VWF: variants seen among roughly 807,000 people sequenced by gnomAD.
VWF encodes Factor VIII related antigen.
In VWF, 176 loss-of-function variants were observed where a neutral mutation model predicts 308.6. That is an observed-to-expected ratio of 0.57 (90% CI 0.50 to 0.65). The LOEUF is 0.65. VWF is among the 30% of genes least tolerant of loss of function. The probability of loss-of-function intolerance (pLI) is 0.00; values close to 1 mark genes in which losing one functional copy is unlikely to be tolerated. For synonymous variants in VWF, 1,385 were observed against 1,443.4 expected, an observed-to-expected ratio of 0.96 and a Z score of 0.92; for missense variants, 3,146 against 3,648.2, an observed-to-expected ratio of 0.86 and a Z score of 3.55.
At chr12:5,963,706 C>T (rs1480962775) in intron 47 of VWF, among the ~76,000 whole-genome samples, 4 of 152,150 alleles carry the variant, frequency 2.6e-5, no homozygotes, top group East Asian at 1.9e-4. Context: ...GACAAGGTCT[C>T]GCTCTGTCAC....
chr12:6,067,080 C>T (rs750768227), intron 10 of VWF, among the ~76,000 whole-genome samples: 63 of 152,316 alleles, frequency 4.1e-4, no homozygotes, highest in Middle Eastern at 3.4e-3. Context: ...TCCGCTGCCC[C>T]CTCTAGAAGA....
chr12:5,991,952 C>T lies in VWF; in HGVS notation c.6665G>A (p.Gly2222Asp). The T allele has an allele frequency of 2.5e-6, 4 of 1,614,228 alleles. No homozygotes were observed. The highest frequency in any genetic ancestry group is 2.5e-6 in the Non-Finnish European group (3 of 1,180,038). ...ATGGTCCCCACAGGAGCTCACGTTG[C>T]CATCACAGTGCCGGGGACAGCCATG... is the stretch of plus-strand genomic sequence containing the variant. ...CEHGCPRHCD[G>D]NVSSCGDHPS... The change falls in exon 38 of 52, where the codon GGC becomes GAC. Residue 2222 changes from glycine to aspartate, a missense_variant. By Grantham distance (94) the Gly-to-Asp change is moderately conservative (BLOSUM62 -1). This residue lies in a region of VWF where 989 missense variants were observed against 1,117.4 expected (regional missense o/e 0.89). Transcript: ENST00000261405.
Position 6,019,454 on chromosome 12 carries a change from G to T in VWF, c.3964C>A (p.His1322Asn). 6.2e-7 allele frequency: 1 copy of T among 1,613,902 alleles called. No individual in the cohort carries two copies. The highest frequency in any genetic ancestry group is 8.5e-7 in the Non-Finnish European group (1 of 1,179,842). ...CCGATGTAGGCGTGGGAGCCGTCGTGGTACTCCACCACGGCCACGCGGACC... is the reference window on the plus strand; with the variant it reads ...CCGATGTAGGCGTGGGAGCCGTCGTTGTACTCCACCACGGCCACGCGGACC... ...KWVRVAVVEY[H>N]DGSHAYIGLK... Residue 1322 changes from histidine (H) to asparagine (N), a missense_variant, in exon 28 of 52, where the codon CAC becomes AAC. Physicochemically the swap from His to Asn is moderately conservative, Grantham distance 68. Coordinates refer to ENST00000261405, the MANE Select transcript of VWF (RefSeq NM_000552.5). This position sits in a 1 kb window ranked among gnomAD's most constrained non-coding sequence, Gnocchi z 5.8.
chr12:5,976,739 A>G (rs1943538319), intron 42 of VWF, among the ~76,000 whole-genome samples: 1 of 152,212 alleles, frequency 6.6e-6, no homozygotes, highest in Admixed American at 6.5e-5. Flanking sequence ...CATAACAAGT[A>G]AAGACTCTGG....
At chr12:6,007,781 C>A (rs1943945872) in intron 34 of VWF, among the ~76,000 whole-genome samples, 1 of 151,834 alleles carries the variant, frequency 6.6e-6, no homozygotes, top group Admixed American at 6.6e-5. Context: ...TAAAGGTCAA[C>A]AAAATTAACA....
chr12:6,075,449 A>C lies in VWF; in HGVS notation c.760T>G (p.Leu254Val), dbSNP rs1944831955. ...EPFVALCEKT[L>V]CECAGGLECA... ...TCCAGCCCCCCAGCACACTCACACA[A>C]AGTCTTCTCACACAGGGCCACAAAA... The change falls in exon 7 of 52, where the codon TTG becomes GTG. Residue 254 changes from leucine to valine, a missense_variant. Leu to Val is a conservative substitution (Grantham distance 32). This residue lies in a region of VWF where 1,304 missense variants were observed against 1,353.0 expected (regional missense o/e 0.96). Transcript: ENST00000261405. This position sits in a 1 kb window ranked among gnomAD's most constrained non-coding sequence, Gnocchi z 4.7. 2 of 1,613,986 alleles carry C rather than the reference A, an allele frequency of 1.2e-6. No homozygotes were observed. Among genetic ancestry groups the C allele is most frequent in the Non-Finnish European group, 1.7e-6 (2 of 1,180,018 alleles).
chr12:5,991,864 T>G lies in VWF; in HGVS notation c.6753A>C (p.Glu2251Asp). 1.2e-6 allele frequency: 2 copies of G among 1,614,214 alleles called. No homozygotes were observed. Among genetic ancestry groups the G allele is most frequent in the Non-Finnish European group, 1.7e-6 (2 of 1,180,044 alleles). The change falls in exon 38 of 52, where the codon GAA (glutamate) becomes GAC (aspartate). Residue 2251 changes from glutamate to aspartate, a missense_variant. Glu to Asp is a conservative substitution (Grantham distance 45). Around this residue, in one of 3 missense-constraint regions of VWF, gnomAD observed 989 missense variants for 1,117.4 expected, o/e 0.89. Coordinates refer to ENST00000261405, the MANE Select transcript of VWF (RefSeq NM_000552.5). ...CACCAATGCACTGAGTGCAGGCCTCTTCAGGGACACAGCTGCCTTCCAACA... is the reference window on the plus strand; with the variant it reads ...CACCAATGCACTGAGTGCAGGCCTCGTCAGGGACACAGCTGCCTTCCAACA... ...KVMLEGSCVP[E>D]EACTQCIGED...
At chr12:6,092,589 C>T in intron 6 of VWF, among the ~76,000 whole-genome samples, 1 of 107,172 alleles carries the variant, frequency 9.3e-6, no homozygotes, top group Non-Finnish European at 1.7e-5. Flanking sequence ...TGCATGCCAC[C>T]ATGCCCAGCT....
At chr12:5,998,790 C>T (rs901280289) in intron 34 of VWF, among the ~76,000 whole-genome samples, 2 of 152,046 alleles carry the variant, frequency 1.3e-5, no homozygotes, top group African/African-American at 4.8e-5. Flanking sequence ...CGCAATGGCG[C>T]GATCTTGGCT....
Position 5,976,059 on chromosome 12 carries a change from C to T in VWF, c.7437+52G>A. ...CTTACCCTTCCTAAGATGCCCTCCT[C>T]TACTTTCCCGCTCTGATAGCTGCAG... On this transcript the variant is annotated intron_variant, in intron 43 of 51. Transcript: ENST00000261405. 3 of 1,611,972 alleles carry T rather than the reference C, an allele frequency of 1.9e-6. No individual in the cohort carries two copies. The South Asian group carries it at 3.3e-5, about 18-fold the overall frequency.
chr12:6,022,851 C>A lies in VWF; in HGVS notation c.3427G>T (p.Glu1143Ter), dbSNP rs1447019004. 1.8e-6 allele frequency: 1 copy of A among 543,046 alleles called. No individual in the cohort carries two copies. The highest frequency in any genetic ancestry group is 3.2e-6 in the Non-Finnish European group (1 of 317,304). 33.6% of individuals were successfully genotyped at this position (543,046 alleles called of 1,614,324 possible). ...RNLRENGYECEWRYNSCAPAC... is the reference protein window; with the variant it reads ...RNLRENGYEC ...GGTGCACAGCTGTTATAGCGCCACTCACACTCATACCCGTTCTCCCGGAGA... is the reference window on the plus strand; with the variant it reads ...GGTGCACAGCTGTTATAGCGCCACTAACACTCATACCCGTTCTCCCGGAGA... Residue 1143 changes from glutamate (E) to a stop codon, truncating the protein, a stop_gained, in exon 26 of 52, where the codon GAG becomes TAG. Transcript: ENST00000261405. LOFTEE classifies it high-confidence loss of function.
intron 6 of VWF, among the ~76,000 whole-genome samples, chr12:6,090,645 C>CCCCTCT (rs1565385733): frequency 6.6e-6 from 1 of 151,300 alleles, no homozygotes; most frequent in Non-Finnish European, 1.5e-5. Flanking sequence ...CCTCCTCCTC[C>CCCCTCT]TCCTCATCAT....
In VWF at chr12:6,019,332, T is replaced by C. The variant is rs1449606437; in HGVS notation, c.4086A>G (p.Lys1362=). Reference sequence around the variant, plus strand: ...TGCTGAAGATTTGGAACAGTGTGTATTTCAAGACCTCGCTGGTGGAGGCCA... The same window carrying C: ...TGCTGAAGATTTGGAACAGTGTGTACTTCAAGACCTCGCTGGTGGAGGCCA... ...SQVASTSEVL[K]YTLFQIFSKI... Residue 1362 remains lysine (K), a synonymous_variant, in exon 28 of 52, where the codon AAA becomes AAG. Transcript: ENST00000261405. The surrounding 1 kb of genome is among the most constrained non-coding windows in gnomAD (Gnocchi z 5.8). The C allele has an allele frequency of 6.2e-7, 1 of 1,613,874 alleles. No homozygotes were observed. Among genetic ancestry groups the C allele is most frequent in the East Asian group, 2.2e-5 (1 of 44,842 alleles).
intron 46 of VWF, 23 bp downstream of exon 46, chr12:5,968,104 T>C (rs751257244): frequency 6.2e-7 from 1 of 1,614,032 alleles, no homozygotes; most frequent in Non-Finnish European, 8.5e-7. Flanking sequence ...CCACTTGCTC[T>C]GGAGAAGAGG....
chr12:6,089,668 A>C (rs1375957664), intron 6 of VWF, among the ~76,000 whole-genome samples: 1 of 152,188 alleles, frequency 6.6e-6, no homozygotes, highest in Non-Finnish European at 1.5e-5. Context: ...GATAAATGAG[A>C]TCATTCCTTT....
At chr12:5,994,288 T>A in intron 36 of VWF, 85 bp from the exon 37 acceptor site, 3 of 1,593,552 alleles carry the variant, frequency 1.9e-6, no homozygotes, top group Admixed American at 3.3e-5. Flanking sequence ...CCATTCTTGA[T>A]CCTCACCAGA....
intron 14 of VWF, 100 bp from the exon 15 acceptor site, chr12:6,057,172 A>G (rs1182883239): frequency 8.8e-7 from 1 of 1,134,836 alleles, no homozygotes; most frequent in African/African-American, 1.6e-5. Context: ...TGCTGCTAAT[A>G]GAGGGCTGCA....
At chr12:6,090,602 A>ACTCCTCCTC (rs71064185) in intron 6 of VWF, among the ~76,000 whole-genome samples, 4 of 145,464 alleles carry the variant, frequency 2.7e-5, no homozygotes, top group Admixed American at 6.8e-5. Context: ...GCTAACAACA[A>ACTCCTCCTC]CTCCTCCTCC....
rs979801293 is a variant in VWF at position 6,064,363 on chromosome 12, C to T, written c.1315G>A (p.Val439Met). Residue 439 changes from valine (V) to methionine (M), a missense_variant, in exon 12 of 52, where the codon GTG becomes ATG. Coordinates refer to ENST00000261405, the MANE Select transcript of VWF (RefSeq NM_000552.5). ...CGGACGGTGACGGAGCGGGTGCACA[C>T]AGCGTCGCGGTCATCAGCACACTGC... Reference protein sequence around the residue: ...TVQCADDRDAVCTRSVTVRLP... With the variant: ...TVQCADDRDAMCTRSVTVRLP... The T allele has an allele frequency of 8.7e-6, 14 of 1,614,138 alleles. No individual in the cohort carries two copies. Among genetic ancestry groups the T allele is most frequent in the East Asian group, 2.2e-5 (1 of 44,886 alleles).
Sources: allele counts gnomAD v4.1 joint callset (sites outside exome capture counted in the v4.1 genomes callset), GRCh38; gene constraint gnomAD v4.1.1; regional missense constraint gnomAD v4.1.1; non-coding constraint Gnocchi (gnomAD v3.1); transcripts MANE v1.5; gene names NCBI Gene and HGNC (gene_info 2026-07-23, HGNC 2026-07-21).